Variants in TRPM3 observed in about 807,000 individuals in gnomAD.
TRPM3 encodes the protein long transient receptor potential channel 3.
Under a neutral mutation model 181.2 loss-of-function variants are expected in TRPM3, and 77 were observed. The observed-to-expected ratio is 0.42, with a 90% CI of 0.35 to 0.51. TRPM3 has a LOEUF of 0.51. Among genes scored for constraint, TRPM3 ranks in the 20% least tolerant of loss-of-function variants. TRPM3 has a pLI of 0.01. For synonymous variants in TRPM3, 745 were observed against 796.4 expected, an observed-to-expected ratio of 0.94 and a Z score of 1.09; for missense variants, 1,759 against 2,196.7, an observed-to-expected ratio of 0.80 and a Z score of 3.98.
At chr9:70,670,651 C>A (rs902266180) in intron 9 of TRPM3, among the ~76,000 whole-genome samples, 2 of 152,028 alleles carry the variant, frequency 1.3e-5, no homozygotes, top group African/African-American at 4.8e-5. Context: ...TCAAATCTGG[C>A]ATTTTACAGT....
intron 1 of TRPM3, among the ~76,000 whole-genome samples, chr9:70,892,120 A>G (rs2096213515): frequency 6.6e-6 from 1 of 152,204 alleles, no homozygotes. Context: ...GAGGACTTTT[A>G]ATTCTCAGAA....
rs71507124 is a variant in TRPM3, at chr9:70,751,999, AGTGTGTGTGTGT to A, written c.1272+9590_1272+9601del. On this transcript the variant is annotated intron_variant, in intron 8 of 25. Coordinates refer to ENST00000677713, the MANE Select transcript of TRPM3 (RefSeq NM_001366145.2). ...ATGCAGTTTCAATCCACATCTCAAC[AGTGTGTGTGTGT>A]GTGTGTGTGTGTGTGTGTGTGTGTG... 9.9e-4 allele frequency among the ~76,000 whole-genome samples: 103 copies of A among 104,568 alleles called. 1 individual carries two copies. Among genetic ancestry groups the A allele is most frequent in the African/African-American group, 3.5e-3 (87 of 25,190 alleles). The allele number at this position is 104,568 out of a possible 152,430, so 68.6% of individuals were successfully genotyped here.
At chr9:71,080,200 A>AAATAAATG (rs2064064918) in intron 1 of TRPM3, among the ~76,000 whole-genome samples, 1 of 150,130 alleles carries the variant, frequency 6.7e-6, no homozygotes, top group African/African-American at 2.5e-5. Context: ...ATAAATAAAT[A>AAATAAATG]AATAAATAAA....
At chr9:70,696,922 G>A (rs776020527) in intron 8 of TRPM3, among the ~76,000 whole-genome samples, 22 of 152,184 alleles carry the variant, frequency 1.4e-4, no homozygotes, top group South Asian at 4.2e-4. Context: ...TCAGTCCCAC[G>A]GGCAGAGAAA....
intron 1 of TRPM3, among the ~76,000 whole-genome samples, chr9:71,094,684 G>T (rs1184329187): frequency 2.0e-5 from 3 of 151,968 alleles, no homozygotes; most frequent in African/African-American, 7.3e-5. Context: ...ATATAAGTCT[G>T]TTGGGAGAAT....
chr9:71,440,235 G>A (rs2094117503), intron 1 of TRPM3, among the ~76,000 whole-genome samples: 1 of 152,148 alleles, frequency 6.6e-6, no homozygotes. Context: ...GGAGAAAAGA[G>A]TCATAGAAAT....
chr9:70,756,718 A>G (rs2077150241), intron 8 of TRPM3, among the ~76,000 whole-genome samples: 1 of 152,200 alleles, frequency 6.6e-6, no homozygotes, highest in Non-Finnish European at 1.5e-5. Flanking sequence ...AAACTGAACA[A>G]CCTGCTCCTG....
chr9:71,135,043 C>G (rs563089746), intron 1 of TRPM3, among the ~76,000 whole-genome samples: 1 of 152,122 alleles, frequency 6.6e-6, no homozygotes, highest in African/African-American at 2.4e-5. Context: ...TACCTAAATC[C>G]CCAATCACCA....
intron 25 of TRPM3, among the ~76,000 whole-genome samples, chr9:70,547,734 G>A (rs1385962639): frequency 6.6e-6 from 1 of 152,102 alleles, no homozygotes; most frequent in African/African-American, 2.4e-5. Flanking sequence ...CAGGGAAGGT[G>A]GGTCTACATT....
At chr9:71,290,765 C>G (rs1452639866) in intron 1 of TRPM3, among the ~76,000 whole-genome samples, 1 of 151,980 alleles carries the variant, frequency 6.6e-6, no homozygotes. Context: ...ATCCTAAAAC[C>G]CTTATATTGT....
chr9:71,227,422 A>T (rs2080753387), intron 1 of TRPM3, among the ~76,000 whole-genome samples: 1 of 152,176 alleles, frequency 6.6e-6, no homozygotes, highest in East Asian at 1.9e-4. Flanking sequence ...CAAACAACCT[A>T]ATGTTGCATT....
At chr9:71,219,487 G>A (rs1477098037) in intron 1 of TRPM3, among the ~76,000 whole-genome samples, 1 of 152,150 alleles carries the variant, frequency 6.6e-6, no homozygotes, top group African/African-American at 2.4e-5. Flanking sequence ...GGAAAAAGTA[G>A]TTGCCATGCA....
At chr9:71,251,858 C>T (rs2082362010) in intron 1 of TRPM3, among the ~76,000 whole-genome samples, 2 of 152,148 alleles carry the variant, frequency 1.3e-5, no homozygotes, top group African/African-American at 4.8e-5. Flanking sequence ...CACCCTCCCA[C>T]CATCCTCTCC....
At chr9:70,539,220 C>T (rs1187705683) in intron 25 of TRPM3, among the ~76,000 whole-genome samples, 4 of 152,122 alleles carry the variant, frequency 2.6e-5, no homozygotes, top group African/African-American at 9.7e-5. Context: ...AGCAACACTT[C>T]TATTAGGGAA....
intron 1 of TRPM3, among the ~76,000 whole-genome samples, chr9:71,047,256 A>T (rs965930526): frequency 6.6e-6 from 1 of 152,200 alleles, no homozygotes; most frequent in Non-Finnish European, 1.5e-5. Flanking sequence ...GATTATTAGG[A>T]ATTACCATAT....
At chr9:70,604,542 C>T (rs180857151) in intron 19 of TRPM3, among the ~76,000 whole-genome samples, 8 of 152,258 alleles carry the variant, frequency 5.3e-5, no homozygotes, top group African/African-American at 1.7e-4. Context: ...AGGATTGAGG[C>T]CTTGAGGGGT....
intron 9 of TRPM3, among the ~76,000 whole-genome samples, chr9:70,664,862 C>A (rs575421887): frequency 7.4e-4 from 113 of 152,106 alleles, no homozygotes; most frequent in African/African-American, 2.7e-3. Context: ...GTTGGCCAGG[C>A]TGGTCTACAA....
At chr9:70,884,732 G>C (rs1455182235) in intron 1 of TRPM3, among the ~76,000 whole-genome samples, 2 of 152,266 alleles carry the variant, frequency 1.3e-5, no homozygotes, top group Middle Eastern at 3.4e-3. Context: ...GCTAATTTAA[G>C]TGATTAAATA....
chr9:70,893,475 GCTA>G (rs1387444322), intron 1 of TRPM3, among the ~76,000 whole-genome samples: 2 of 152,086 alleles, frequency 1.3e-5, no homozygotes, highest in East Asian at 3.8e-4. Flanking sequence ...TTATGATGAT[GCTA>G]CTACTAATAG....
Sources: gnomAD v4.1 joint callset for allele counts (sites outside exome capture counted in the v4.1 genomes callset) on GRCh38, gnomAD v4.1.1 for gene constraint, MANE v1.5 for transcripts, NCBI Gene and HGNC (gene_info 2026-07-23, HGNC 2026-07-21) for gene names.